Variants in DNAAF2 observed in about 807,000 individuals in gnomAD.
DNAAF2 encodes the protein protein kintoun.
Under a neutral mutation model 48.8 loss-of-function variants are expected in DNAAF2, and 58 were observed. That is an observed-to-expected ratio of 1.19 (90% CI 0.96 to 1.48). The LOEUF (loss-of-function observed/expected upper bound fraction) is 1.48, where lower values mean the gene tolerates loss of function less well. Ranked by LOEUF, DNAAF2 falls within the 40% of genes most tolerant of loss-of-function variation. The pLI is 0.00. For missense variants in DNAAF2, 1,241 were observed against 1,116.1 expected, an observed-to-expected ratio of 1.11 and a Z score of -1.59; for synonymous variants, 567 against 481.2, an observed-to-expected ratio of 1.18 and a Z score of -2.33.
In DNAAF2 at chr14:49,635,078, G is replaced by A. The variant is rs1594610168; in HGVS notation, c.72C>T (p.Thr24=). ...GGAACTCCGGGTCCTGGAAGGCGGAGGTGAGCCGCTGGACCTCCTCTCCGC... is the reference window on the plus strand; with the variant it reads ...GGAACTCCGGGTCCTGGAAGGCGGAAGTGAGCCGCTGGACCTCCTCTCCGC... The part of the protein sequence containing the change: ...DLSGEEVQRL[T]SAFQDPEFRR... The change falls in exon 1 of 3, where the codon ACC becomes ACT. Residue 24 remains threonine (T), a synonymous_variant. Transcript: ENST00000298292. 1 of 1,585,026 alleles carries A rather than the reference G, an allele frequency of 6.3e-7. No individual in the cohort carries two copies.
intron 2 of DNAAF2, among the ~76,000 whole-genome samples, chr14:49,626,486 C>CA (rs932998251): frequency 6.6e-6 from 1 of 151,732 alleles, no homozygotes; most frequent in Non-Finnish European, 1.5e-5. Context: ...AAGACCCTGT[C>CA]AAAAAAAGAA....
At chr14:49,631,407 C>T (rs980119831) in intron 1 of DNAAF2, among the ~76,000 whole-genome samples, 4 of 152,200 alleles carry the variant, frequency 2.6e-5, no homozygotes, top group Middle Eastern at 6.8e-3. Flanking sequence ...GGGTGGATCA[C>T]GAGGTCAGGA....
At chr14:49,626,571 A>G (rs1316661104) in intron 2 of DNAAF2, among the ~76,000 whole-genome samples, 2 of 150,342 alleles carry the variant, frequency 1.3e-5, no homozygotes, top group East Asian at 3.9e-4. Flanking sequence ...AGGCTGGCAC[A>G]ATCTCAGCTG....
In DNAAF2 at chr14:49,634,269, G is replaced by T; in HGVS notation, c.881C>A (p.Ser294Ter). ...VITIELPLLR[S>*]AEQAALEVTR... ...TACCTCCAGCGCCGCCTGCTCGGCC[G>T]AGCGCAACAGCGGCAGTTCGATGGT... Residue 294 changes from serine (S) to a stop codon, truncating the protein, a stop_gained, in exon 1 of 3, where the codon TCG becomes TAG. Transcript: ENST00000298292. LOFTEE classifies it high-confidence loss of function. The T allele has an allele frequency of 1.9e-6, 3 of 1,612,262 alleles. No individual in the cohort carries two copies. Among genetic ancestry groups the T allele is most frequent in the Admixed American group, 1.7e-5 (1 of 60,024 alleles).
chr14:49,634,889 G>T lies in DNAAF2; in HGVS notation c.261C>A (p.Arg87=). The part of the protein sequence containing the change: ...VLRTSLDGAR[R]CFVNVCSNAL... ...CGTTGCTGCAGACATTCACAAAGCA[G>T]CGCCGCGCCCCGTCCAGGCTGGTGC... Residue 87 remains arginine, a synonymous_variant, in exon 1 of 3, where the codon CGC becomes CGA. Coordinates refer to ENST00000298292, the MANE Select transcript of DNAAF2 (RefSeq NM_018139.3). The T allele has an allele frequency of 6.5e-7, 1 of 1,549,822 alleles. No individual in the cohort carries two copies. The highest frequency in any genetic ancestry group is 8.7e-7 in the Non-Finnish European group (1 of 1,146,574).
At chr14:49,629,346 A>G (rs1883092889) in intron 1 of DNAAF2, 1 of 151,166 alleles carries the variant, frequency 6.6e-6, no homozygotes, top group African/African-American at 2.5e-5. Context: ...TCGCACACTC[A>G]TAGCCCCCTG....
intron 1 of DNAAF2, among the ~76,000 whole-genome samples, chr14:49,632,646 A>C (rs1883192700): frequency 6.6e-6 from 1 of 151,932 alleles, no homozygotes. Flanking sequence ...GGGTTTCGCC[A>C]TGTTGGTCAG....
At chr14:49,632,089 G>T (rs1244336818) in intron 1 of DNAAF2, among the ~76,000 whole-genome samples, 4 of 152,178 alleles carry the variant, frequency 2.6e-5, no homozygotes, top group Non-Finnish European at 4.4e-5. Flanking sequence ...TTGAAAATCG[G>T]ATTAAAATGT....
Position 49,634,270 on chromosome 14 carries a change from A to T in DNAAF2, c.880T>A (p.Ser294Thr). The stretch of plus-strand genomic sequence containing the variant: ...ACCTCCAGCGCCGCCTGCTCGGCCG[A>T]GCGCAACAGCGGCAGTTCGATGGTG... Reference protein sequence around the residue: ...VITIELPLLRSAEQAALEVTR... With the variant: ...VITIELPLLRTAEQAALEVTR... The change falls in exon 1 of 3, where the codon TCG becomes ACG. Residue 294 changes from serine (S) to threonine (T), a missense_variant. Transcript: ENST00000298292. 1 of 1,612,224 alleles carries T rather than the reference A, an allele frequency of 6.2e-7. No individual in the cohort carries two copies. Among genetic ancestry groups the T allele is most frequent in the Non-Finnish European group, 8.5e-7 (1 of 1,179,784 alleles).
intron 1 of DNAAF2, among the ~76,000 whole-genome samples, chr14:49,631,185 T>C (rs1195328731): frequency 6.6e-6 from 1 of 152,220 alleles, no homozygotes; most frequent in African/African-American, 2.4e-5. Flanking sequence ...AACACAGTGT[T>C]ACAGAAACAT....
intron 1 of DNAAF2, among the ~76,000 whole-genome samples, chr14:49,630,895 C>T (rs1484373079): frequency 2.6e-5 from 4 of 152,012 alleles, no homozygotes; most frequent in African/African-American, 9.7e-5. Flanking sequence ...GGACTGCAGG[C>T]GTGCACCACC....
Position 49,634,030 on chromosome 14 carries a change from C to T in DNAAF2, c.1120G>A (p.Gly374Arg). ...AAPEESADRS[G>R]TDGQACASAR... is the part of the protein sequence containing the mutation. ...GAAGCGCAGGCCTGGCCGTCAGTTC[C>T]GGACCGGTCCGCGGACTCTTCCGGC... Residue 374 changes from glycine (G) to arginine (R), a missense_variant, in exon 1 of 3, where the codon GGA becomes AGA. Physicochemically the swap from Gly to Arg is moderately radical, Grantham distance 125 (BLOSUM62 -2). Coordinates refer to ENST00000298292, the MANE Select transcript of DNAAF2 (RefSeq NM_018139.3). 2 of 1,520,462 alleles carry T rather than the reference C, an allele frequency of 1.3e-6. No homozygotes were observed. Among genetic ancestry groups the T allele is most frequent in the Non-Finnish European group, 8.8e-7 (1 of 1,139,428 alleles). The allele number at this position is 1,520,462 out of a possible 1,614,324, so 94.2% of individuals were successfully genotyped here. A position where few individuals can be genotyped will look rare whatever the true frequency, so the allele number is the denominator to read the frequency against.
intron 2 of DNAAF2, 109 bp from the exon 3 acceptor site, chr14:49,626,157 CA>C (rs1883000902): frequency 2.3e-6 from 2 of 856,942 alleles, no homozygotes; most frequent in African/African-American, 3.5e-5. Context: ...ATAGCCCTTA[CA>C]GACCTGCAGG....
rs1179653801 is a variant in DNAAF2, at chr14:49,634,649, C to G, written c.501G>C (p.Thr167=). 1 of 1,607,412 alleles carries G rather than the reference C, an allele frequency of 6.2e-7. No individual in the cohort carries two copies. Among genetic ancestry groups the G allele is most frequent in the Non-Finnish European group, 8.5e-7 (1 of 1,179,734 alleles). Residue 167 remains threonine, a synonymous_variant, in exon 1 of 3, where the codon ACG becomes ACC. Coordinates refer to ENST00000298292, the MANE Select transcript of DNAAF2 (RefSeq NM_018139.3). ...HEGFRQMLDA[T]ALEAVEKQFG... is the part of the protein sequence containing the mutation. ...ACTGCTTCTCGACGGCCTCCAGGGC[C>G]GTGGCGTCCAGCATCTGGCGGAAGC...
At chr14:49,629,707 T>G (rs1883103550) in intron 1 of DNAAF2, 1 of 152,112 alleles carries the variant, frequency 6.6e-6, no homozygotes, top group South Asian at 2.1e-4. Flanking sequence ...GGTCTCACTT[T>G]GTTGTCCAGG....
chr14:49,625,899 T>C lies in DNAAF2; in HGVS notation c.2157A>G (p.Ile719Met). Reference sequence around the variant, plus strand: ...AGCATGTAACTAAACCAAAGCTATCTATTTGTAGTGCTTTAACTGCTATAG... The same window carrying C: ...AGCATGTAACTAAACCAAAGCTATCCATTTGTAGTGCTTTAACTGCTATAG... ...DSSIAVKALQ[I>M]DSFGLVTCFQ... Residue 719 changes from isoleucine to methionine, a missense_variant, in exon 3 of 3, where the codon ATA (isoleucine) becomes ATG (methionine). Ile to Met is a conservative substitution (Grantham distance 10). Coordinates refer to ENST00000298292, the MANE Select transcript of DNAAF2 (RefSeq NM_018139.3). The C allele has an allele frequency of 6.2e-7, 1 of 1,613,612 alleles. No individual in the cohort carries two copies. Among genetic ancestry groups the C allele is most frequent in the Non-Finnish European group, 8.5e-7 (1 of 1,179,758 alleles).
In DNAAF2 at chr14:49,633,805, C is replaced by A. The variant is rs768349992; in HGVS notation, c.1345G>T (p.Gly449Cys). 4 of 1,588,540 alleles carry A rather than the reference C, an allele frequency of 2.5e-6. No individual in the cohort carries two copies. In the Admixed American group the frequency reaches 6.8e-5, roughly 27 times the overall value. The change falls in exon 1 of 3, where the codon GGC (glycine) becomes TGC (cysteine). Residue 449 changes from glycine (G) to cysteine (C), a missense_variant. By Grantham distance (159) the Gly-to-Cys change is radical. Coordinates refer to ENST00000298292, the MANE Select transcript of DNAAF2 (RefSeq NM_018139.3). ...CCAGGAGATGGCTCCTCCACGCTGC[C>A]CGGCGGTGACCCCGCGTGCCTGCTC... is the stretch of plus-strand genomic sequence containing the variant. Reference protein sequence around the residue: ...DLSRHAGSPPGSVEEPSPGGE... With the variant: ...DLSRHAGSPPCSVEEPSPGGE...
rs560311827 is a variant in DNAAF2 at position 49,626,136 on chromosome 14, G to A, written c.2008-88C>T. ...CCCTCTGGAAATAAAATTTTTAACA[G>A]TTGTGAGGTAATAGCCCTTACAGAC... On this transcript the variant is annotated intron_variant, in intron 2 of 2. Transcript: ENST00000298292. 7.9e-6 allele frequency: 9 copies of A among 1,139,518 alleles called. No homozygotes were observed. The African/African-American group carries it at 1.1e-4, about 14-fold the overall frequency. 70.6% of individuals were successfully genotyped at this position (1,139,518 alleles called of 1,614,324 possible). A position where few individuals can be genotyped will look rare whatever the true frequency, so the allele number is the denominator to read the frequency against.
chr14:49,631,203 G>A (rs1023722534), intron 1 of DNAAF2, among the ~76,000 whole-genome samples: 1 of 152,096 alleles, frequency 6.6e-6, no homozygotes, highest in African/African-American at 2.4e-5. Context: ...CATCCCCATC[G>A]AAAGCATTTC....
Sources: allele counts gnomAD v4.1 joint callset (sites outside exome capture counted in the v4.1 genomes callset), GRCh38; gene constraint gnomAD v4.1.1; transcripts MANE v1.5; gene names NCBI Gene and HGNC (gene_info 2026-07-23, HGNC 2026-07-21).